The following CDH13 variants were observed in gnomAD, a reference collection of about 807,000 sequenced individuals.
The protein encoded by CDH13 is cadherin 13.
Under a neutral mutation model 63.8 loss-of-function variants are expected in CDH13, and 24 were observed. That is an observed-to-expected ratio of 0.38 (90% confidence interval 0.27 to 0.53). The LOEUF (loss-of-function observed/expected upper bound fraction) is 0.53, where lower values mean the gene tolerates loss of function less well. CDH13 is among the 20% of genes least tolerant of loss of function. CDH13 has a pLI of 0.85. For missense variants in CDH13, 1,049 were observed against 903.1 expected (o/e 1.16, Z -2.07); for synonymous variants, 503 against 355.3 (o/e 1.42, Z -4.67).
chr16:83,057,771 C>A (rs979504110), intron 3 of CDH13, among the ~76,000 whole-genome samples: 2 of 152,104 alleles, frequency 1.3e-5, no homozygotes, highest in African/African-American at 4.8e-5. Context: ...GATCACCTCC[C>A]ACTCCAGAAA....
At chr16:83,618,318 A>AG (rs1909478298) in intron 8 of CDH13, among the ~76,000 whole-genome samples, 1 of 151,200 alleles carries the variant, frequency 6.6e-6, no homozygotes, top group South Asian at 2.1e-4. Context: ...CCAGCTACTT[A>AG]GGGGGCTGAG....
At chr16:83,672,409 C>CT (rs34156503) in intron 9 of CDH13, among the ~76,000 whole-genome samples, 1,219 of 35,096 alleles carry the variant, frequency 0.035, 329 homozygotes, top group Non-Finnish European at 0.039. Context: ...TCTGGATTCT[C>CT]TTTTTTTTTT....
At chr16:82,738,348 G>T (rs1373979585) in intron 1 of CDH13, among the ~76,000 whole-genome samples, 6 of 152,324 alleles carry the variant, frequency 3.9e-5, no homozygotes, top group Middle Eastern at 6.8e-3. Flanking sequence ...TTGTGTTCCT[G>T]TCAAACTCTA....
intron 1 of CDH13, among the ~76,000 whole-genome samples, chr16:82,812,549 A>C (rs1198536629): frequency 6.6e-6 from 1 of 152,002 alleles, no homozygotes; most frequent in African/African-American, 2.4e-5. Context: ...AGAGGAGAGG[A>C]GTGAAACTCA....
At chr16:82,948,351 G>A (rs1340487664) in intron 2 of CDH13, among the ~76,000 whole-genome samples, 1 of 152,090 alleles carries the variant, frequency 6.6e-6, no homozygotes, top group African/African-American at 2.4e-5. Context: ...AAAAATATTA[G>A]GGGAAGATTT....
chr16:83,558,663 G>T (rs530824848), intron 7 of CDH13, among the ~76,000 whole-genome samples: 13 of 151,972 alleles, frequency 8.6e-5, no homozygotes, highest in African/African-American at 2.7e-4. Context: ...AAGCTAAATT[G>T]CCTGTATTTG....
intron 6 of CDH13, among the ~76,000 whole-genome samples, chr16:83,426,907 C>CTTTCTTTTT (rs1340492091): frequency 7.1e-4 from 45 of 63,196 alleles, no homozygotes; most frequent in African/African-American, 3.0e-3. Context: ...ATGTTTCTTT[C>CTTTCTTTTT]TTTTTTTTTT....
chr16:83,090,804 C>G (rs2033869910), intron 3 of CDH13, among the ~76,000 whole-genome samples: 1 of 151,448 alleles, frequency 6.6e-6, no homozygotes, highest in African/African-American at 2.4e-5. Flanking sequence ...GCATTCATTA[C>G]AATACAGACT....
chr16:83,290,113 G>T (rs370092871), intron 5 of CDH13, among the ~76,000 whole-genome samples: 1 of 152,276 alleles, frequency 6.6e-6, no homozygotes, highest in South Asian at 2.1e-4. Flanking sequence ...CAGTCATCAT[G>T]GTTAGTCAGA....
At chr16:82,710,552 A>ATATGTAT (rs1555537841) in intron 1 of CDH13, among the ~76,000 whole-genome samples, 2 of 63,768 alleles carry the variant, frequency 3.1e-5, no homozygotes, top group South Asian at 8.8e-4. Flanking sequence ...AAAAAAAAAA[A>ATATGTAT]ATATATATAT....
rs1268460222 is a variant in CDH13 at position 83,797,692 on chromosome 16, C to G, written c.*2662C>G. 3 of 152,178 alleles carry G rather than the reference C, an allele frequency of 2.0e-5. No homozygotes were observed. The highest frequency in any genetic ancestry group is 2.9e-5 in the Non-Finnish European group (2 of 68,046). 9.4% of individuals were successfully genotyped at this position (152,178 alleles called of 1,614,324 possible). ...ACCTATGCATTTTATCTGAGTCCAA[C>G]TTATTAAAAAACGAAGTCAAGTAAG... is the stretch of plus-strand genomic sequence containing the variant. On this transcript the variant is annotated 3_prime_UTR_variant, in exon 14 of 14. Coordinates refer to ENST00000567109, the MANE Select transcript of CDH13 (RefSeq NM_001257.5).
chr16:83,451,925 T>G (rs967939446), intron 6 of CDH13, among the ~76,000 whole-genome samples: 3 of 152,238 alleles, frequency 2.0e-5, no homozygotes, highest in Non-Finnish European at 4.4e-5. Context: ...GCATCTGGTA[T>G]GTGTGTGAAT....
intron 8 of CDH13, among the ~76,000 whole-genome samples, chr16:83,626,391 G>A (rs1353816991): frequency 6.6e-6 from 1 of 152,142 alleles, no homozygotes; most frequent in Non-Finnish European, 1.5e-5. Flanking sequence ...CAGGAGAGAT[G>A]TGAAAGTGCT....
intron 3 of CDH13, among the ~76,000 whole-genome samples, chr16:83,115,407 C>T (rs1439158604): frequency 1.3e-5 from 2 of 152,178 alleles, no homozygotes; most frequent in Admixed American, 6.5e-5. Context: ...GGACTAGGAT[C>T]CCAGGCAAAT....
At chr16:82,949,495 G>C (rs954361241) in intron 2 of CDH13, among the ~76,000 whole-genome samples, 1 of 152,146 alleles carries the variant, frequency 6.6e-6, no homozygotes, top group Admixed American at 6.5e-5. Flanking sequence ...TTCTTTTAGG[G>C]GGACACAATT....
In CDH13 at chr16:83,259,108, G is replaced by A. The variant is rs115053181; in HGVS notation, c.636+41611G>A. On this transcript the variant is annotated intron_variant, in intron 5 of 13. Coordinates refer to ENST00000567109, the MANE Select transcript of CDH13 (RefSeq NM_001257.5). ...CTGTGGTAGGATGTGGGGAGAGCAG[G>A]GAACCTCCTGCTGCTCATGGTGGAT... is the stretch of plus-strand genomic sequence containing the variant. Among the ~76,000 whole-genome samples, 177 of 152,302 alleles carry A rather than the reference G, an allele frequency of 1.2e-3. 2 individuals are homozygous for A. The highest frequency in any genetic ancestry group is 4.2e-3 in the African/African-American group (173 of 41,566).
At chr16:83,729,888 G>C (rs1467914927) in intron 10 of CDH13, among the ~76,000 whole-genome samples, 1 of 152,224 alleles carries the variant, frequency 6.6e-6, no homozygotes, top group Non-Finnish European at 1.5e-5. Flanking sequence ...CTGTGAAAAA[G>C]AAGGGTTTGG....
intron 2 of CDH13, among the ~76,000 whole-genome samples, chr16:83,013,162 C>T (rs184492052): frequency 1.3e-5 from 2 of 152,146 alleles, no homozygotes; most frequent in African/African-American, 4.8e-5. Context: ...GGCTTATGAG[C>T]GAGATATTCT....
intron 2 of CDH13, chr16:83,022,928 T>A (rs748109772): frequency 2.6e-5 from 4 of 152,242 alleles, no homozygotes; most frequent in Non-Finnish European, 5.9e-5. Flanking sequence ...CTGTTCTATA[T>A]TTGGCAGATA....
Sources: allele counts gnomAD v4.1 joint callset (sites outside exome capture counted in the v4.1 genomes callset), GRCh38; gene constraint gnomAD v4.1.1; transcripts MANE v1.5; gene names NCBI Gene and HGNC (gene_info 2026-07-23, HGNC 2026-07-21).